Variants in DRD2 observed in about 807,000 individuals in gnomAD.
DRD2 encodes D(2) dopamine receptor.
A neutral mutation model predicts 38.0 loss-of-function variants in DRD2; 8 were observed. That is an observed-to-expected ratio of 0.21 (90% CI 0.12 to 0.38). DRD2 has a LOEUF of 0.38. Ranked by LOEUF, DRD2 falls within the 10% of genes least tolerant of loss-of-function variation. The probability of loss-of-function intolerance (pLI) is 1.00; values close to 1 mark genes in which losing one functional copy is unlikely to be tolerated. For synonymous variants in DRD2, 230 were observed against 238.6 expected, an observed-to-expected ratio of 0.96 and a Z score of 0.33; for missense variants, 403 against 607.7, an observed-to-expected ratio of 0.66 and a Z score of 3.54.
At chr11:113,433,340 C>T (rs1565667953) in intron 1 of DRD2, among the ~76,000 whole-genome samples, 1 of 152,176 alleles carries the variant, frequency 6.6e-6, no homozygotes. Context: ...GGAAGGGCTC[C>T]TCCTTCTTGA....
At chr11:113,442,938 C>T (rs1160553126) in intron 1 of DRD2, among the ~76,000 whole-genome samples, 1 of 152,172 alleles carries the variant, frequency 6.6e-6, no homozygotes, top group Non-Finnish European at 1.5e-5. Flanking sequence ...CGAGGGAAGG[C>T]TGGTTCTGTC....
chr11:113,444,987 G>T (rs879275405), intron 1 of DRD2, among the ~76,000 whole-genome samples: 6 of 152,212 alleles, frequency 3.9e-5, no homozygotes, highest in Non-Finnish European at 5.9e-5. Context: ...AGAAGCAAAG[G>T]CTCTGGGAGT....
At chr11:113,460,467 C>T (rs1951307249) in intron 1 of DRD2, among the ~76,000 whole-genome samples, 1 of 152,252 alleles carries the variant, frequency 6.6e-6, no homozygotes, top group African/African-American at 2.4e-5. Flanking sequence ...CCAAAAGCTT[C>T]CTGGGGTCAG....
In DRD2 at chr11:113,439,838, C is replaced by CAAAAAAAAAAAAAAAAAAA. The variant is rs67577307; in HGVS notation, c.-31-15175_-31-15157dup. The stretch of plus-strand genomic sequence containing the variant: ...TGGGTGACAGAGGGAGGCTCTGTCT[C>CAAAAAAAAAAAAAAAAAAA]AAAAAAAAAAAAAAAAAAAAAAAAA... On this transcript the variant is annotated intron_variant, in intron 1 of 7. Transcript: ENST00000362072. 1.8e-4 allele frequency among the ~76,000 whole-genome samples: 3 copies of CAAAAAAAAAAAAAAAAAAA among 16,258 alleles called. 1 individual carries two copies. The highest frequency in any genetic ancestry group is 0.012 in the East Asian group (2 of 166). 10.7% of individuals were successfully genotyped at this position (16,258 alleles called of 152,430 possible).
intron 1 of DRD2, among the ~76,000 whole-genome samples, chr11:113,447,186 G>A (rs866411292): frequency 1.3e-5 from 2 of 152,210 alleles, no homozygotes; most frequent in African/African-American, 2.4e-5. Context: ...GGTAAAGTCG[G>A]GAGGCCCGCT....
chr11:113,468,263 G>A (rs1951388779), intron 1 of DRD2, among the ~76,000 whole-genome samples: 1 of 152,206 alleles, frequency 6.6e-6, no homozygotes, highest in African/African-American at 2.4e-5. Context: ...AATCCTGGAA[G>A]TCTAATTCCA....
intron 1 of DRD2, among the ~76,000 whole-genome samples, chr11:113,454,535 G>C (rs928310509): frequency 6.6e-6 from 1 of 152,048 alleles, no homozygotes; most frequent in Non-Finnish European, 1.5e-5. Context: ...GTGTCCCAGT[G>C]GGCTTGATCA....
intron 1 of DRD2, among the ~76,000 whole-genome samples, chr11:113,439,990 G>A (rs760302404): frequency 2.0e-5 from 3 of 151,916 alleles, no homozygotes; most frequent in Non-Finnish European, 4.4e-5. Flanking sequence ...TATCCTACAG[G>A]GCTCTCTGAC....
At chr11:113,428,103 G>A (rs1032672049) in intron 1 of DRD2, among the ~76,000 whole-genome samples, 3 of 152,132 alleles carry the variant, frequency 2.0e-5, no homozygotes, top group African/African-American at 7.2e-5. Flanking sequence ...ACAGATTTCT[G>A]TTGTTCAATC....
chr11:113,414,209 T>A, intron 6 of DRD2, 166 bp downstream of exon 6: 1 of 757,946 alleles, frequency 1.3e-6, no homozygotes, highest in Non-Finnish European at 2.4e-6. Context: ...TCTCACTTCA[T>A]GCCTGCTTGG....
chr11:113,441,030 G>A (rs1038663124), intron 1 of DRD2, among the ~76,000 whole-genome samples: 1 of 152,190 alleles, frequency 6.6e-6, no homozygotes, highest in Non-Finnish European at 1.5e-5. Context: ...GCTCCCTGAG[G>A]CACAGGTTGA....
intron 1 of DRD2, among the ~76,000 whole-genome samples, chr11:113,470,948 T>C (rs567727585): frequency 3.3e-5 from 5 of 152,356 alleles, no homozygotes; most frequent in African/African-American, 9.6e-5. Flanking sequence ...GAGAAGAGGC[T>C]GTGCCTTCCA....
intron 1 of DRD2, among the ~76,000 whole-genome samples, chr11:113,452,467 TGTGCGCGC>T (rs1433212672): frequency 1.1e-4 from 10 of 91,084 alleles, no homozygotes; most frequent in African/African-American, 3.1e-4. Flanking sequence ...TGTGTGTGTG[TGTGCGCGC>T]GCGCGCGCGC....
intron 1 of DRD2, among the ~76,000 whole-genome samples, chr11:113,426,077 T>G (rs1009960733): frequency 5.9e-5 from 9 of 152,000 alleles, no homozygotes; most frequent in Admixed American, 2.6e-4. Context: ...GGTTAGAAAT[T>G]GTGGTCATCT....
chr11:113,435,513 T>A (rs1591287453), intron 1 of DRD2, among the ~76,000 whole-genome samples: 1 of 151,842 alleles, frequency 6.6e-6, no homozygotes, highest in Non-Finnish European at 1.5e-5. Context: ...CAGGTGGAGG[T>A]GTGGGGCTGG....
At chr11:113,465,411 G>GTTGTTGTTGTTGT (rs1555168770) in intron 1 of DRD2, among the ~76,000 whole-genome samples, 2 of 150,506 alleles carry the variant, frequency 1.3e-5, no homozygotes, top group African/African-American at 4.9e-5. Flanking sequence ...TGTTGTTGTT[G>GTTGTTGTTGTTGT]TTGTTTGTTT....
chr11:113,447,032 A>G lies in DRD2; in HGVS notation c.-31-22350T>C, dbSNP rs11214610. ...TCACACCAGACAAGAAGAGGGCTGC[A>G]CAAATGCTGAACAAACTCAGATCTG... On this transcript the variant is annotated intron_variant, in intron 1 of 7. Transcript: ENST00000362072. 7.5e-3 allele frequency among the ~76,000 whole-genome samples: 1,142 copies of G among 152,356 alleles called. 18 individuals are homozygous for G. Among genetic ancestry groups the G allele is most frequent in the African/African-American group, 0.025 (1,043 of 41,576 alleles).
rs4986922 is a variant in DRD2 at position 113,425,485 on chromosome 11, T to C, written c.-31-803A>G. On this transcript the variant is annotated intron_variant, in intron 1 of 7. Transcript: ENST00000362072. ...GGGGAGGTTGCAATAGGCAAGATCA[T>C]AGAGGGCCTTAAAAGTCATGCTAGG... Among the ~76,000 whole-genome samples, 34 of 152,222 alleles carry C rather than the reference T, an allele frequency of 2.2e-4. No individual in the cohort carries two copies. In the East Asian group the frequency reaches 6.4e-3, roughly 29 times the overall value.
intron 1 of DRD2, among the ~76,000 whole-genome samples, chr11:113,435,781 G>C (rs1410826406): frequency 1.3e-5 from 2 of 152,338 alleles, no homozygotes; most frequent in Non-Finnish European, 2.9e-5. Flanking sequence ...AGAGCCCAGA[G>C]AGGAGGAAGG....
Sources: gnomAD v4.1 joint callset for allele counts (sites outside exome capture counted in the v4.1 genomes callset) on GRCh38, gnomAD v4.1.1 for gene constraint, MANE v1.5 for transcripts, NCBI Gene and HGNC (gene_info 2026-07-23, HGNC 2026-07-21) for gene names.